Variants in RFFL observed in about 807,000 individuals in gnomAD.
The protein encoded by RFFL is E3 ubiquitin-protein ligase rififylin.
In RFFL, 16 loss-of-function variants were observed where a neutral mutation model predicts 40.4. That is an observed-to-expected ratio of 0.40 (90% CI 0.27 to 0.60). The LOEUF is 0.60. Among genes scored for constraint, RFFL ranks in the 20% least tolerant of loss-of-function variants. The pLI is 0.47. For missense variants in RFFL, 367 were observed against 451.7 expected (o/e 0.81, Z 1.70); for synonymous variants, 154 against 167.9 (o/e 0.92, Z 0.64).
chr17:35,086,469 C>A (rs1358533127), intron 1 of RFFL, among the ~76,000 whole-genome samples: 1 of 113,608 alleles, frequency 8.8e-6, no homozygotes. Flanking sequence ...AAGAGTGAGA[C>A]CCCCATCTCA....
rs2090981333 is a variant in RFFL at position 35,017,456 on chromosome 17, TAA to T, written c.675+65_675+66del. On this transcript the variant is annotated intron_variant, in intron 4 of 6. Coordinates refer to ENST00000394597, the MANE Select transcript of RFFL (RefSeq NM_001017368.2). Reference sequence around the variant, plus strand: ...TTATTCTCTCTCCACTCGACTCTGCTAAGAGGTTCCGAAGAACACCAGTGAAA... The same window carrying T: ...TTATTCTCTCTCCACTCGACTCTGCTGAGGTTCCGAAGAACACCAGTGAAA... 3 of 1,000,830 alleles carry T rather than the reference TAA, an allele frequency of 3.0e-6. No individual in the cohort carries two copies. The African/African-American group carries it at 4.8e-5, about 16-fold the overall frequency. 62.0% of individuals were successfully genotyped at this position (1,000,830 alleles called of 1,614,324 possible). A position where few individuals can be genotyped will look rare whatever the true frequency, so the allele number is the denominator to read the frequency against.
chr17:35,026,270 TCA>T, intron 2 of RFFL, 102 bp downstream of exon 2: 1 of 1,148,080 alleles, frequency 8.7e-7, no homozygotes, highest in Non-Finnish European at 1.2e-6. Flanking sequence ...GTCACCAGCA[TCA>T]CACAGGGAAA....
chr17:35,012,474 G>C (rs2090947164), intron 6 of RFFL, among the ~76,000 whole-genome samples: 1 of 152,182 alleles, frequency 6.6e-6, no homozygotes, highest in Non-Finnish European at 1.5e-5. Flanking sequence ...TCAGACTGTT[G>C]GGGCTGTAAT....
At chr17:35,077,102 AAATT>A (rs1287048180) in intron 1 of RFFL, 11 of 151,764 alleles carry the variant, frequency 7.2e-5, no homozygotes, top group African/African-American at 2.7e-4. Context: ...AAATATATAT[AAATT>A]ATTTATAATA....
intron 3 of RFFL, 72 bp from the exon 4 acceptor site, chr17:35,017,678 A>G: frequency 9.9e-7 from 1 of 1,007,750 alleles, no homozygotes; most frequent in Non-Finnish European, 1.5e-6. Flanking sequence ...CCTCTTTTCA[A>G]CTCACACAAT....
intron 1 of RFFL, chr17:35,076,796 A>AT (rs2091379475): frequency 4.6e-6 from 1 of 217,530 alleles, no homozygotes; most frequent in Admixed American, 4.4e-5. Flanking sequence ...AGGACGTACC[A>AT]CCTTCAGAAG....
intron 4 of RFFL, 105 bp from the exon 5 acceptor site, chr17:35,016,685 T>G (rs1278726817): frequency 7.3e-6 from 6 of 818,250 alleles, no homozygotes; most frequent in Non-Finnish European, 1.2e-5. Flanking sequence ...GTGACTGACC[T>G]CATGAAGGGT....
intron 1 of RFFL, among the ~76,000 whole-genome samples, chr17:35,083,257 C>A (rs1408224586): frequency 6.6e-6 from 1 of 152,144 alleles, no homozygotes; most frequent in Admixed American, 6.6e-5. Flanking sequence ...ATAAACGAAG[C>A]TACTTTCACC....
At chr17:35,021,260 AATCAAG>A (rs1370987051) in intron 3 of RFFL, 105 bp downstream of exon 3, 9 of 1,110,192 alleles carry the variant, frequency 8.1e-6, no homozygotes, top group Non-Finnish European at 1.1e-5. Flanking sequence ...GGCTTCACAT[AATCAAG>A]ACACTTAGCC....
At chr17:35,074,604 G>A (rs1238344824) in intron 1 of RFFL, among the ~76,000 whole-genome samples, 3 of 152,072 alleles carry the variant, frequency 2.0e-5, no homozygotes, top group African/African-American at 4.8e-5. Context: ...TTCTCTGTGC[G>A]GCATTTTCAC....
At chr17:35,033,657 G>C (rs929250900) in intron 1 of RFFL, among the ~76,000 whole-genome samples, 4 of 151,826 alleles carry the variant, frequency 2.6e-5, no homozygotes, top group Non-Finnish European at 5.9e-5. Context: ...GGTGAAGGCA[G>C]GTATAACCAA....
At chr17:35,033,009 G>A (rs1567705657) in intron 1 of RFFL, among the ~76,000 whole-genome samples, 1 of 152,078 alleles carries the variant, frequency 6.6e-6, no homozygotes, top group Non-Finnish European at 1.5e-5. Flanking sequence ...GAAAGTGAAT[G>A]AGAAGTATGA....
chr17:35,052,476 G>A (rs568067997), intron 1 of RFFL, among the ~76,000 whole-genome samples: 3 of 152,222 alleles, frequency 2.0e-5, no homozygotes, highest in African/African-American at 7.2e-5. Flanking sequence ...CTAATGAGGA[G>A]AGAATGAGGC....
Position 35,087,322 on chromosome 17 carries a change from G to A in RFFL, c.-9+1783C>T, listed in dbSNP as rs551018775. On this transcript the variant is annotated intron_variant, in intron 1 of 6. Transcript: ENST00000315249. ...GCCATGATTACGCCACTGCACGCCAGTCTGAGTGACAGAGTGAGACTCTGT... is the reference window on the plus strand; with the variant it reads ...GCCATGATTACGCCACTGCACGCCAATCTGAGTGACAGAGTGAGACTCTGT... Among the ~76,000 whole-genome samples the A allele has an allele frequency of 2.0e-5, 3 of 151,960 alleles. No homozygotes were observed. In the East Asian group the frequency reaches 5.8e-4, roughly 29 times the overall value.
chr17:35,029,255 G>A (rs1216766782), intron 1 of RFFL, among the ~76,000 whole-genome samples: 1 of 151,716 alleles, frequency 6.6e-6, no homozygotes, highest in African/African-American at 2.4e-5. Flanking sequence ...TTCACAGAGT[G>A]TGTGTATGAT....
intron 1 of RFFL, among the ~76,000 whole-genome samples, chr17:35,059,784 G>C (rs565192419): frequency 4.1e-4 from 63 of 152,258 alleles, no homozygotes; most frequent in Middle Eastern, 6.8e-3. Context: ...TGATAATGAA[G>C]TTATCTCTTA....
intron 1 of RFFL, among the ~76,000 whole-genome samples, chr17:35,058,229 C>T (rs1433057277): frequency 6.6e-6 from 1 of 151,856 alleles, no homozygotes; most frequent in African/African-American, 2.4e-5. Context: ...TCCCCCCCCA[C>T]CATACTCATT....
At position 35,011,170 on chromosome 17, in the gene RFFL, G is replaced by T. The variant is rs1372950353; in HGVS notation, c.*798C>A. On this transcript the variant is annotated 3_prime_UTR_variant, in exon 7 of 7. Transcript: ENST00000394597. ...CCCCTTTCCGCATAAACTAAGGATG[G>T]TGCAAATCAGGTCCCAAGAGAAGCA... The T allele has an allele frequency of 6.6e-6, 1 of 152,194 alleles. No homozygotes were observed. The highest frequency in any genetic ancestry group is 1.5e-5 in the Non-Finnish European group (1 of 68,036). The allele number at this position is 152,194 out of a possible 1,614,324, so 9.4% of individuals were successfully genotyped here. A position where few individuals can be genotyped will look rare whatever the true frequency, so the allele number is the denominator to read the frequency against.
intron 2 of RFFL, among the ~76,000 whole-genome samples, chr17:35,022,886 A>T (rs1415786757): frequency 6.6e-6 from 1 of 152,268 alleles, no homozygotes; most frequent in African/African-American, 2.4e-5. Flanking sequence ...TTAGGCAACA[A>T]GAGCGCCTGA....
Sources: gnomAD v4.1 joint callset for allele counts (sites outside exome capture counted in the v4.1 genomes callset) on GRCh38, gnomAD v4.1.1 for gene constraint, MANE v1.5 for transcripts, NCBI Gene and HGNC (gene_info 2026-07-23, HGNC 2026-07-21) for gene names.